Variants in ATP8A2 observed in about 807,000 individuals in gnomAD.
ATP8A2 encodes phospholipid-transporting ATPase IB.
Under a neutral mutation model 165.6 loss-of-function variants are expected in ATP8A2, and 100 were observed. The observed-to-expected ratio is 0.60, with a 90% CI of 0.51 to 0.71. The LOEUF is 0.71. ATP8A2 is among the 30% of genes least tolerant of loss of function. ATP8A2 has a pLI of 0.00. For missense variants in ATP8A2, 1,227 were observed against 1,479.5 expected (o/e 0.83, Z 2.80); for synonymous variants, 543 against 548.8 (o/e 0.99, Z 0.15).
intron 16 of ATP8A2, 129 bp downstream of exon 16, chr13:25,564,160 C>G: frequency 2.9e-6 from 2 of 687,340 alleles, no homozygotes; most frequent in South Asian, 3.3e-5. Context: ...TGATGTGAGT[C>G]CTTCTGAGAA....
rs978528083 is a variant in ATP8A2, at chr13:25,570,864, C to T, written c.1571C>T (p.Ser524Phe). The T allele has an allele frequency of 1.2e-6, 2 of 1,612,368 alleles. No homozygotes were observed. Among genetic ancestry groups the T allele is most frequent in the African/African-American group, 1.3e-5 (1 of 74,920 alleles). Residue 524 changes from serine (S) to phenylalanine (F), a missense_variant, in exon 17 of 37, where the codon TCT (serine) becomes TTT (phenylalanine). Around this residue, in one of 5 missense-constraint regions of ATP8A2, gnomAD observed 592 missense variants for 785.6 expected, o/e 0.75. Coordinates refer to ENST00000381655, the MANE Select transcript of ATP8A2 (RefSeq NM_016529.6). ...KDGDNIIYQA[S>F]SPDEAALVKG... ...GGAGATAACATCATCTACCAGGCCT[C>T]TTCCCCAGGTGAGGGCTCTGGCCGG...
chr13:25,619,074 A>G (rs1463631618), intron 24 of ATP8A2, among the ~76,000 whole-genome samples: 1 of 152,228 alleles, frequency 6.6e-6, no homozygotes, highest in Non-Finnish European at 1.5e-5. Flanking sequence ...AAAGGAGAGT[A>G]AGGGATTCTC....
chr13:25,852,607 T>C (rs1157228765), intron 30 of ATP8A2, among the ~76,000 whole-genome samples: 2 of 152,240 alleles, frequency 1.3e-5, no homozygotes, highest in African/African-American at 4.8e-5. Context: ...TTTTTTTCTT[T>C]GAAATTATCT....
chr13:25,540,765 C>T (rs1390850953), intron 8 of ATP8A2, among the ~76,000 whole-genome samples: 1 of 152,026 alleles, frequency 6.6e-6, no homozygotes, highest in Non-Finnish European at 1.5e-5. Context: ...AGATTCTAAT[C>T]CTAGAGGGTG....
chr13:25,798,669 G>A (rs926729918), intron 27 of ATP8A2, among the ~76,000 whole-genome samples: 1 of 152,154 alleles, frequency 6.6e-6, no homozygotes, highest in African/African-American at 2.4e-5. Flanking sequence ...AGAAAGAGCT[G>A]AGAGACATGA....
chr13:25,873,066 C>A (rs1426409960), intron 33 of ATP8A2, among the ~76,000 whole-genome samples: 1 of 152,138 alleles, frequency 6.6e-6, no homozygotes, highest in East Asian at 1.9e-4. Flanking sequence ...TGCAGATTCA[C>A]TCCCCAACGC....
In ATP8A2 at chr13:25,755,534, T is replaced by A. The variant is rs148057889; in HGVS notation, c.2385-13512T>A. On this transcript the variant is annotated intron_variant, in intron 25 of 36. Coordinates refer to ENST00000381655, the MANE Select transcript of ATP8A2 (RefSeq NM_016529.6). ...TAATCTTTTCCCTGTAGGAACTTACTATCTTATTTGTGTTATTCATATTCA... is the reference window on the plus strand; with the variant it reads ...TAATCTTTTCCCTGTAGGAACTTACAATCTTATTTGTGTTATTCATATTCA... Among the ~76,000 whole-genome samples the A allele has an allele frequency of 9.5e-3, 1,447 of 152,394 alleles. 28 individuals are homozygous for A. The highest frequency in any genetic ancestry group is 0.033 in the African/African-American group (1,376 of 41,592).
At chr13:25,599,247 G>A (rs1057247623) in intron 24 of ATP8A2, among the ~76,000 whole-genome samples, 1 of 152,118 alleles carries the variant, frequency 6.6e-6, no homozygotes, top group Non-Finnish European at 1.5e-5. Flanking sequence ...ATGCTGCTTT[G>A]CAGCTCCTAG....
intron 25 of ATP8A2, among the ~76,000 whole-genome samples, chr13:25,702,663 G>C (rs1228546865): frequency 6.6e-6 from 1 of 152,176 alleles, no homozygotes; most frequent in Non-Finnish European, 1.5e-5. Context: ...CTATGTTATT[G>C]TATTTGCCTC....
At chr13:25,739,158 C>T (rs1593275270) in intron 25 of ATP8A2, among the ~76,000 whole-genome samples, 1 of 152,194 alleles carries the variant, frequency 6.6e-6, no homozygotes, top group African/African-American at 2.4e-5. Context: ...CTGCACAACC[C>T]GACCTCATCC....
intron 2 of ATP8A2, among the ~76,000 whole-genome samples, chr13:25,505,814 G>C (rs2037018977): frequency 6.6e-6 from 1 of 152,074 alleles, no homozygotes; most frequent in South Asian, 2.1e-4. Context: ...TCATTAACAA[G>C]GTATTATTAA....
At chr13:25,530,401 T>G (rs1393761751) in intron 3 of ATP8A2, among the ~76,000 whole-genome samples, 161 bp from the exon 4 acceptor site, 4 of 152,208 alleles carry the variant, frequency 2.6e-5, no homozygotes, top group African/African-American at 9.6e-5. Flanking sequence ...TAAAAATATG[T>G]AAAATACGTA....
At position 25,600,519 on chromosome 13, in the gene ATP8A2, G is replaced by A. The variant is rs549049594; in HGVS notation, c.2211+10820G>A. Among the ~76,000 whole-genome samples, 13 of 152,268 alleles carry A rather than the reference G, an allele frequency of 8.5e-5. No individual in the cohort carries two copies. The South Asian group carries it at 1.0e-3, about 12-fold the overall frequency. Reference sequence around the variant, plus strand: ...AAATTATTGGGAAAGTGGAAGGAGCGGAAGGAGCAGAAGCCAGCGAGCCCT... The same window carrying A: ...AAATTATTGGGAAAGTGGAAGGAGCAGAAGGAGCAGAAGCCAGCGAGCCCT... On this transcript the variant is annotated intron_variant, in intron 24 of 36. Coordinates refer to ENST00000381655, the MANE Select transcript of ATP8A2 (RefSeq NM_016529.6).
rs186083307 is a variant in ATP8A2, at chr13:25,972,756, T to C, written c.3377+4077T>C. 2.0e-5 allele frequency among the ~76,000 whole-genome samples: 3 copies of C among 152,312 alleles called. 1 individual carries two copies. Among genetic ancestry groups the C allele is most frequent in the Admixed American group, 2.0e-4 (3 of 15,304 alleles). On this transcript the variant is annotated intron_variant, in intron 35 of 36. Transcript: ENST00000381655. ...CTTTCCTTTCTTTATTCCTGAAGTGTAAGCCATGCAAATTTCTTTCCTGGT... is the reference window on the plus strand; with the variant it reads ...CTTTCCTTTCTTTATTCCTGAAGTGCAAGCCATGCAAATTTCTTTCCTGGT...
intron 24 of ATP8A2, among the ~76,000 whole-genome samples, chr13:25,676,856 C>T (rs957710906): frequency 6.6e-5 from 10 of 152,072 alleles, no homozygotes; most frequent in African/African-American, 1.9e-4. Context: ...AGGGAACTCC[C>T]AATTTGACAA....
intron 33 of ATP8A2, among the ~76,000 whole-genome samples, chr13:25,949,897 T>G (rs1315042135): frequency 6.6e-6 from 1 of 152,126 alleles, no homozygotes; most frequent in Non-Finnish European, 1.5e-5. Flanking sequence ...CCTCCCAGAA[T>G]CAAGCAATTC....
At chr13:25,845,503 C>T (rs1025564331) in intron 30 of ATP8A2, among the ~76,000 whole-genome samples, 5 of 152,262 alleles carry the variant, frequency 3.3e-5, no homozygotes, top group Middle Eastern at 3.4e-3. Context: ...GCTCCCTCAC[C>T]GTTTAAGGAG....
chr13:25,737,431 T>C (rs776099800), intron 25 of ATP8A2, among the ~76,000 whole-genome samples: 3 of 152,194 alleles, frequency 2.0e-5, no homozygotes, highest in Admixed American at 6.5e-5. Flanking sequence ...TGATCCCCAG[T>C]TGAGTTCACA....
At chr13:25,952,016 G>T (rs1381105534) in intron 33 of ATP8A2, among the ~76,000 whole-genome samples, 1 of 152,178 alleles carries the variant, frequency 6.6e-6, no homozygotes, top group Non-Finnish European at 1.5e-5. Flanking sequence ...CCAGTGGCTT[G>T]TTATTTAAAC....
Sources: gnomAD v4.1 joint callset for allele counts (sites outside exome capture counted in the v4.1 genomes callset) on GRCh38, gnomAD v4.1.1 for gene constraint, gnomAD v4.1.1 regional missense constraint, MANE v1.5 for transcripts, NCBI Gene and HGNC (gene_info 2026-07-23, HGNC 2026-07-21) for gene names.